COX10: variants seen among roughly 807,000 people sequenced by gnomAD.
COX10 encodes the protein cytochrome c oxidase assembly factor heme A:farnesyltransferase COX10.
COX10 carries 27 observed loss-of-function variants against 37.3 expected under a neutral mutation model. That is an observed-to-expected ratio of 0.72 (90% CI 0.53 to 1.00). The LOEUF (loss-of-function observed/expected upper bound fraction) is 1.00. COX10 is among the 50% of genes least tolerant of loss of function. The probability of loss-of-function intolerance (pLI) is 0.00; values close to 1 mark genes in which losing one functional copy is unlikely to be tolerated. For synonymous variants in COX10, 222 were observed against 229.1 expected (o/e 0.97, Z 0.28); for missense variants, 475 against 563.2 (o/e 0.84, Z 1.59).
chr17:14,114,175 A>G (rs1268128862), intron 4 of COX10, among the ~76,000 whole-genome samples: 1 of 151,882 alleles, frequency 6.6e-6, no homozygotes, highest in Non-Finnish European at 1.5e-5. Flanking sequence ...CAGTTATCCC[A>G]TTTTTTCCTG....
At chr17:14,179,863 GC>G (rs1440728595) in intron 5 of COX10, among the ~76,000 whole-genome samples, 8 of 151,576 alleles carry the variant, frequency 5.3e-5, no homozygotes, top group Non-Finnish European at 8.8e-5. Flanking sequence ...CACGATAAGA[GC>G]AGAGCAAAAG....
rs150696103 is a variant in COX10, at chr17:14,151,837, T to G, written c.625-8040T>G. 3.3e-3 allele frequency among the ~76,000 whole-genome samples: 500 copies of G among 152,330 alleles called. 2 individuals are homozygous for G. Among genetic ancestry groups the G allele is most frequent in the African/African-American group, 0.011 (447 of 41,578 alleles). On this transcript the variant is annotated intron_variant, in intron 4 of 6. Coordinates refer to ENST00000261643, the MANE Select transcript of COX10 (RefSeq NM_001303.4). ...CTAATTCAATAAAGAATATGGACTC[T>G]AACAGGCTAATAATTTTTCAACACA...
Position 14,207,521 on chromosome 17 carries a change from C to T in COX10, c.*308C>T. On this transcript the variant is annotated 3_prime_UTR_variant, in exon 7 of 7. Transcript: ENST00000261643. Reference sequence around the variant, plus strand: ...TCCTCCTCACATGGGGGTACACATACACAGCTTCCTCTTTTGGTTCCATCC... The same window carrying T: ...TCCTCCTCACATGGGGGTACACATATACAGCTTCCTCTTTTGGTTCCATCC... The T allele has an allele frequency of 3.1e-6, 1 of 321,882 alleles. No individual in the cohort carries two copies. The highest frequency in any genetic ancestry group is 5.8e-6 in the Non-Finnish European group (1 of 172,934). The allele number at this position is 321,882 out of a possible 1,614,324, so 19.9% of individuals were successfully genotyped here.
At chr17:14,075,540 A>G (rs1332244259) in intron 2 of COX10, among the ~76,000 whole-genome samples, 2 of 152,206 alleles carry the variant, frequency 1.3e-5, no homozygotes, top group East Asian at 3.8e-4. Context: ...ATAATGATCT[A>G]TCTTCTTTGA....
chr17:14,139,990 G>T lies in COX10; in HGVS notation c.625-19887G>T, dbSNP rs79470729. ...TAGGGCTTCTCTTGTAAGTCTATTT[G>T]AATTGCCATCTTTACAAGGAACTTT... is the stretch of plus-strand genomic sequence containing the variant. On this transcript the variant is annotated intron_variant, in intron 4 of 6. Transcript: ENST00000261643. Among the ~76,000 whole-genome samples the T allele has an allele frequency of 8.1e-3, 1,236 of 152,222 alleles. 47 individuals are homozygous for T. In the East Asian group the frequency reaches 0.084, roughly 10 times the overall value.
chr17:14,176,316 A>C (rs548731416), intron 5 of COX10, among the ~76,000 whole-genome samples: 2 of 152,264 alleles, frequency 1.3e-5, no homozygotes, highest in Admixed American at 6.5e-5. Context: ...TTAGAACGTA[A>C]TCCCAGAGAA....
At chr17:14,124,936 G>A (rs566064148) in intron 4 of COX10, among the ~76,000 whole-genome samples, 3 of 152,266 alleles carry the variant, frequency 2.0e-5, no homozygotes, top group Admixed American at 2.0e-4. Flanking sequence ...TGTGTAAAAT[G>A]TATTTCAATC....
At chr17:14,125,706 C>T (rs965489150) in intron 4 of COX10, among the ~76,000 whole-genome samples, 2 of 152,116 alleles carry the variant, frequency 1.3e-5, no homozygotes, top group African/African-American at 4.8e-5. Context: ...AATTCACTTT[C>T]GGTTTTTAAA....
At chr17:14,147,764 G>A (rs554410996) in intron 4 of COX10, among the ~76,000 whole-genome samples, 2 of 149,238 alleles carry the variant, frequency 1.3e-5, no homozygotes, top group South Asian at 4.2e-4. Context: ...TACCTACTAC[G>A]TACCTATAAA....
At chr17:14,081,143 T>G (rs115162438) in intron 3 of COX10, among the ~76,000 whole-genome samples, 1 of 152,290 alleles carries the variant, frequency 6.6e-6, no homozygotes, top group South Asian at 2.1e-4. Context: ...CAGAGTTAAT[T>G]GCAACAGAAA....
intron 4 of COX10, among the ~76,000 whole-genome samples, chr17:14,134,362 A>G (rs1390445333): frequency 6.6e-6 from 1 of 151,828 alleles, no homozygotes; most frequent in Non-Finnish European, 1.5e-5. Flanking sequence ...CTTTTTTTTC[A>G]ATCATCAAGA....
Position 14,077,009 on chromosome 17 carries a change from A to T in COX10, c.452A>T (p.Tyr151Phe), listed in dbSNP as rs771779082. ...KRWKEMKLQV[Y>F]DLPGILARLS... ...TGGAAAGAGATGAAGCTGCAAGTGT[A>T]TGATTTGCCAGGAATTTTGGCTCGA... Residue 151 changes from tyrosine (Y) to phenylalanine (F), a missense_variant, in exon 3 of 7, where the codon TAT becomes TTT. Coordinates refer to ENST00000261643, the MANE Select transcript of COX10 (RefSeq NM_001303.4). 6.2e-7 allele frequency: 1 copy of T among 1,614,180 alleles called. No homozygotes were observed. The highest frequency in any genetic ancestry group is 8.5e-7 in the Non-Finnish European group (1 of 1,180,024).
intron 1 of COX10, among the ~76,000 whole-genome samples, chr17:14,071,606 G>A (rs759911707): frequency 2.6e-5 from 4 of 151,884 alleles, no homozygotes; most frequent in South Asian, 2.1e-4. Context: ...ATCACTGGCC[G>A]GGCGCAGTAG....
chr17:14,137,765 G>A (rs1163184569), intron 4 of COX10, among the ~76,000 whole-genome samples: 2 of 151,958 alleles, frequency 1.3e-5, no homozygotes, highest in Non-Finnish European at 2.9e-5. Flanking sequence ...TATTAAGGTA[G>A]ACTAGAAAGG....
chr17:14,178,435 G>A (rs1195424949), intron 5 of COX10, among the ~76,000 whole-genome samples: 2 of 130,918 alleles, frequency 1.5e-5, no homozygotes, highest in African/African-American at 5.0e-5. Flanking sequence ...AGGTTGTGGG[G>A]CCTGAGGGCT....
In COX10 at chr17:14,163,965, G is replaced by T. The variant is rs150549460; in HGVS notation, c.695+4018G>T. Among the ~76,000 whole-genome samples, 585 of 151,562 alleles carry T rather than the reference G, an allele frequency of 3.9e-3. 4 individuals are homozygous for T. Among genetic ancestry groups the T allele is most frequent in the African/African-American group, 0.012 (501 of 41,278 alleles). ...TGTAGATGGTGTAAAGCCTTTTAGA[G>T]TTCTAATTCACTTTATGTGTTTTTT... is the stretch of plus-strand genomic sequence containing the variant. On this transcript the variant is annotated intron_variant, in intron 5 of 6. Transcript: ENST00000261643.
At chr17:14,085,428 A>T (rs1024637441) in intron 3 of COX10, among the ~76,000 whole-genome samples, 1 of 152,078 alleles carries the variant, frequency 6.6e-6, no homozygotes, top group African/African-American at 2.4e-5. Flanking sequence ...CATAGTATAG[A>T]TATATTTAGT....
intron 4 of COX10, among the ~76,000 whole-genome samples, chr17:14,106,173 T>C (rs1349438767): frequency 6.6e-6 from 1 of 151,930 alleles, no homozygotes; most frequent in African/African-American, 2.4e-5. Context: ...CCCGCCACCG[T>C]GCCCACCTAA....
At position 14,167,564 on chromosome 17, in the gene COX10, G is replaced by A. The variant is rs879722749; in HGVS notation, c.695+7617G>A. On this transcript the variant is annotated intron_variant, in intron 5 of 6. Coordinates refer to ENST00000261643, the MANE Select transcript of COX10 (RefSeq NM_001303.4). ...GATATAAAGAACTACCTGAGACTGG[G>A]TCATTTATAAAGAAAAGAGGTTTAA... 3.5e-4 allele frequency among the ~76,000 whole-genome samples: 53 copies of A among 152,256 alleles called. 1 individual carries two copies. Among genetic ancestry groups the A allele is most frequent in the Admixed American group, 3.4e-3 (52 of 15,292 alleles).
Sources: allele counts gnomAD v4.1 joint callset (sites outside exome capture counted in the v4.1 genomes callset), GRCh38; gene constraint gnomAD v4.1.1; transcripts MANE v1.5; gene names NCBI Gene and HGNC (gene_info 2026-07-23, HGNC 2026-07-21).